The following GLT1D1 variants were observed in gnomAD, a reference collection of about 807,000 sequenced individuals.
GLT1D1 encodes glycosyltransferase 1 domain containing 1, also known as glycosyltransferase 1 domain-containing protein 1.
In GLT1D1, 21 loss-of-function variants were observed where a neutral mutation model predicts 28.7. The observed-to-expected ratio is 0.73, with a 90% confidence interval of 0.52 to 1.05. GLT1D1 has a LOEUF of 1.05. GLT1D1 is among the 50% of genes least tolerant of loss of function. GLT1D1 has a pLI of 0.00. For missense variants in GLT1D1, 343 were observed against 330.6 expected, an observed-to-expected ratio of 1.04 and a Z score of -0.29; for synonymous variants, 147 against 124.8, an observed-to-expected ratio of 1.18 and a Z score of -1.19.
intron 4 of GLT1D1, among the ~76,000 whole-genome samples, chr12:128,942,739 G>GT (rs199567989): frequency 0.099 from 9,860 of 99,528 alleles, 1,294 homozygotes; most frequent in Admixed American, 0.14. Context: ...TTCTTTGTTT[G>GT]TTTGTTTTTG....
chr12:128,919,943 TTC>T (rs1160496585), intron 4 of GLT1D1, among the ~76,000 whole-genome samples: 9 of 109,792 alleles, frequency 8.2e-5, no homozygotes, highest in African/African-American at 3.2e-4. Context: ...TATTGCTTAT[TTC>T]TCTCTCTCTC....
chr12:128,935,158 C>T (rs758641364), intron 4 of GLT1D1, among the ~76,000 whole-genome samples: 4 of 152,180 alleles, frequency 2.6e-5, no homozygotes, highest in African/African-American at 2.4e-5. Context: ...CATTTCTGGG[C>T]GCAGCCAGGA....
At chr12:128,902,940 A>T (rs1394910688) in intron 4 of GLT1D1, among the ~76,000 whole-genome samples, 2 of 150,738 alleles carry the variant, frequency 1.3e-5, no homozygotes, top group Non-Finnish European at 2.9e-5. Context: ...GCTACTCAGG[A>T]GGCTGAGGCA....
chr12:128,913,550 C>T (rs1280135215), intron 4 of GLT1D1, among the ~76,000 whole-genome samples: 2 of 152,160 alleles, frequency 1.3e-5, no homozygotes, highest in Non-Finnish European at 2.9e-5. Context: ...AACCACTGTA[C>T]TACATGATAG....
At chr12:128,875,129 G>T (rs1956841984) in intron 1 of GLT1D1, among the ~76,000 whole-genome samples, 1 of 150,580 alleles carries the variant, frequency 6.6e-6, no homozygotes, top group Middle Eastern at 3.2e-3. Context: ...TATTTTTTTT[G>T]AAGCTATGAT....
intron 1 of GLT1D1, among the ~76,000 whole-genome samples, chr12:128,867,542 T>A (rs1227660139): frequency 1.3e-5 from 2 of 151,880 alleles, no homozygotes; most frequent in African/African-American, 2.4e-5. Context: ...CAGGTGCGCT[T>A]GGTCACTGAA....
intron 4 of GLT1D1, among the ~76,000 whole-genome samples, chr12:128,908,390 TTCTCTC>T (rs202056151): frequency 0.047 from 6,327 of 133,352 alleles, 212 homozygotes; most frequent in Middle Eastern, 0.095. Flanking sequence ...TTCTCTTTCT[TTCTCTC>T]TCTCTCTCTT....
chr12:128,909,215 A>AAAAAG (rs146404437), intron 4 of GLT1D1, among the ~76,000 whole-genome samples: 18,795 of 151,902 alleles, frequency 0.12, 1,259 homozygotes, highest in East Asian at 0.24. Context: ...TTCCTAGTAA[A>AAAAAG]AAAAGAAAAG....
chr12:128,858,457 A>G (rs535071441), intron 1 of GLT1D1, among the ~76,000 whole-genome samples: 1 of 152,258 alleles, frequency 6.6e-6, no homozygotes, highest in Non-Finnish European at 1.5e-5. Context: ...GGATCACTTG[A>G]GGTCAGGCAT....
At chr12:128,947,994 T>C in intron 6 of GLT1D1, among the ~76,000 whole-genome samples, 1 of 152,138 alleles carries the variant, frequency 6.6e-6, no homozygotes, top group East Asian at 1.9e-4. Context: ...ATAAAATCGC[T>C]TCATCTTTTT....
chr12:128,955,100 G>T (rs1877137953), intron 6 of GLT1D1, among the ~76,000 whole-genome samples: 1 of 152,164 alleles, frequency 6.6e-6, no homozygotes, highest in Non-Finnish European at 1.5e-5. Flanking sequence ...ACCCAAGATG[G>T]TACAACTAGT....
At chr12:128,950,822 T>C (rs1378423200) in intron 6 of GLT1D1, among the ~76,000 whole-genome samples, 1 of 152,142 alleles carries the variant, frequency 6.6e-6, no homozygotes, top group Non-Finnish European at 1.5e-5. Context: ...CTGGGGTAAA[T>C]AAGAAATCAA....
At chr12:128,953,645 C>G (rs147345280) in intron 6 of GLT1D1, among the ~76,000 whole-genome samples, 1 of 152,224 alleles carries the variant, frequency 6.6e-6, no homozygotes, top group African/African-American at 2.4e-5. Flanking sequence ...TGTCTGTGAT[C>G]CATTTTGAGT....
chr12:128,858,962 T>C (rs1227280729), intron 1 of GLT1D1, among the ~76,000 whole-genome samples: 2 of 152,166 alleles, frequency 1.3e-5, no homozygotes, highest in East Asian at 3.8e-4. Context: ...GGAACTGCCC[T>C]TCCTCCCCGC....
At chr12:128,975,048 C>T (rs1024321413) in intron 7 of GLT1D1, among the ~76,000 whole-genome samples, 1 of 152,186 alleles carries the variant, frequency 6.6e-6, no homozygotes, top group Non-Finnish European at 1.5e-5. Flanking sequence ...CGCACCTGCA[C>T]CTGCAAACCT....
At chr12:128,960,257 G>A (rs531268216) in intron 7 of GLT1D1, among the ~76,000 whole-genome samples, 2 of 152,324 alleles carry the variant, frequency 1.3e-5, no homozygotes, top group African/African-American at 4.8e-5. Flanking sequence ...TTGAAAGAGT[G>A]TGCTAGACGT....
rs1004682798 is a variant in GLT1D1 at position 128,853,568 on chromosome 12, G to A, written c.-14G>A. ...GCGGCGGGGCCGGTCGATGGCCCGGGCGGCGGCGGCGGCATGCGGCTCCTG... is the reference window on the plus strand; with the variant it reads ...GCGGCGGGGCCGGTCGATGGCCCGGACGGCGGCGGCGGCATGCGGCTCCTG... On this transcript the variant is annotated 5_prime_UTR_variant, in exon 1 of 8. Transcript: ENST00000281703. The A allele has an allele frequency of 1.8e-6, 2 of 1,089,278 alleles. No individual in the cohort carries two copies. Among genetic ancestry groups the A allele is most frequent in the East Asian group, 7.5e-5 (1 of 13,268 alleles). The allele number at this position is 1,089,278 out of a possible 1,614,324, so 67.5% of individuals were successfully genotyped here. A position where few individuals can be genotyped will look rare whatever the true frequency, so the allele number is the denominator to read the frequency against.
chr12:128,956,177 A>G lies in GLT1D1; in HGVS notation c.541-1368A>G, dbSNP rs375596301. Reference sequence around the variant, plus strand: ...CCATCTCAAAAAAAAAAAAAAGAGAAAGAGAGAAAGAAAGAAAGAAAATAC... The same window carrying G: ...CCATCTCAAAAAAAAAAAAAAGAGAGAGAGAGAAAGAAAGAAAGAAAATAC... On this transcript the variant is annotated intron_variant, in intron 6 of 7. Transcript: ENST00000281703. Among the ~76,000 whole-genome samples, 95 of 80,386 alleles carry G rather than the reference A, an allele frequency of 1.2e-3. 1 individual carries two copies. The highest frequency in any genetic ancestry group is 2.4e-3 in the Non-Finnish European group (72 of 30,436). 52.7% of individuals were successfully genotyped at this position (80,386 alleles called of 152,430 possible).
chr12:128,881,231 A>T (rs2135810965), intron 2 of GLT1D1, among the ~76,000 whole-genome samples: 1 of 142,714 alleles, frequency 7.0e-6, no homozygotes, highest in South Asian at 2.2e-4. Context: ...TTCAAAAAAA[A>T]AAAAAAAAAA....
Sources: allele counts gnomAD v4.1 joint callset (sites outside exome capture counted in the v4.1 genomes callset), GRCh38; gene constraint gnomAD v4.1.1; transcripts MANE v1.5; gene names NCBI Gene and HGNC (gene_info 2026-07-23, HGNC 2026-07-21).